Variants in CENPN observed in about 807,000 individuals in gnomAD.
CENPN encodes the protein interphase centromere complex protein 32.
In CENPN, 36 loss-of-function variants were observed where a neutral mutation model predicts 48.6. The ratio of observed to expected loss-of-function variants is 0.74; its 90% CI spans 0.57 to 0.98. CENPN has a LOEUF of 0.98. Among genes scored for constraint, CENPN ranks in the 50% least tolerant of loss-of-function variants. The pLI is 0.00. For synonymous variants in CENPN, 166 were observed against 135.2 expected (o/e 1.23, Z -1.58); for missense variants, 439 against 399.2 (o/e 1.10, Z -0.85).
rs752650173 is a variant in CENPN, at chr16:81,027,017, G to A, written c.810+379G>A. ...TCATCGTGTTGGCCAGACTGGTCTC[G>A]AACGGCTGGCCTCAGGTGATCCACC... On this transcript the variant is annotated intron_variant, in intron 9 of 10. Transcript: ENST00000305850. Among the ~76,000 whole-genome samples the A allele has an allele frequency of 5.3e-5, 8 of 151,906 alleles. No individual in the cohort carries two copies. The East Asian group carries it at 5.8e-4, about 11-fold the overall frequency.
intron 9 of CENPN, among the ~76,000 whole-genome samples, chr16:81,027,007 G>C (rs1414097033): frequency 1.3e-5 from 2 of 151,874 alleles, no homozygotes; most frequent in Non-Finnish European, 2.9e-5. Context: ...GTGTTGGCCA[G>C]ACTGGTCTCG....
intron 7 of CENPN, chr16:81,023,553 T>A (rs1970313777): frequency 6.6e-6 from 1 of 152,088 alleles, no homozygotes; most frequent in Non-Finnish European, 1.5e-5. Flanking sequence ...TAATATATAT[T>A]TTTTAAACTT....
At chr16:81,009,957 A>G (rs9932857) in intron 1 of CENPN, among the ~76,000 whole-genome samples, 35,058 of 152,168 alleles carry the variant, frequency 0.23, 4,294 homozygotes, top group East Asian at 0.42. Flanking sequence ...CCAGCACTTC[A>G]GGAGGCCGAG....
intron 1 of CENPN, among the ~76,000 whole-genome samples, chr16:81,011,056 A>T (rs1969721958): frequency 6.6e-6 from 1 of 152,160 alleles, no homozygotes; most frequent in Non-Finnish European, 1.5e-5. Context: ...GCCCTCCATG[A>T]TGACTGACCT....
At position 81,017,398 on chromosome 16, in the gene CENPN, G is replaced by A. The variant is rs200572330; in HGVS notation, c.277+13G>A. On this transcript the variant is annotated intron_variant, in intron 4 of 10. Transcript: ENST00000305850. ...AGTAAAGGACCAGGTAATATTTTCT[G>A]TTTACAATTGAATATTTGATAGTTT... 4.8e-5 allele frequency: 74 copies of A among 1,529,846 alleles called. No homozygotes were observed. In the African/African-American group the frequency reaches 7.1e-4, roughly 15 times the overall value. 94.8% of individuals were successfully genotyped at this position (1,529,846 alleles called of 1,614,324 possible). A position where few individuals can be genotyped will look rare whatever the true frequency, so the allele number is the denominator to read the frequency against.
chr16:81,024,419 G>A (rs1970365697), intron 7 of CENPN: 1 of 194,062 alleles, frequency 5.2e-6, no homozygotes, highest in Non-Finnish European at 1.0e-5. Context: ...ATTGAGCACT[G>A]ACGACGCTGA....
intron 2 of CENPN, 60 bp from the exon 3 acceptor site, chr16:81,014,076 T>C (rs970438256): frequency 1.5e-5 from 21 of 1,418,902 alleles, no homozygotes; most frequent in Non-Finnish European, 2.1e-5. Flanking sequence ...AAATGTGTTT[T>C]AAACGGGATA....
intron 8 of CENPN, among the ~76,000 whole-genome samples, chr16:81,025,918 G>C (rs929710325): frequency 1.1e-4 from 17 of 151,140 alleles, no homozygotes; most frequent in Non-Finnish European, 2.4e-4. Flanking sequence ...GGCCAGGCTG[G>C]TCTGGAACTT....
At chr16:81,008,316 T>A (rs1438984073) in intron 1 of CENPN, among the ~76,000 whole-genome samples, 1 of 152,152 alleles carries the variant, frequency 6.6e-6, no homozygotes, top group African/African-American at 2.4e-5. Context: ...CAGTTTAATT[T>A]GATAGGGCCC....
chr16:81,029,698 C>T lies in CENPN; in HGVS notation c.*1047C>T, dbSNP rs1970680133. Among the ~76,000 whole-genome samples the T allele has an allele frequency of 6.6e-6, 1 of 152,148 alleles. No homozygotes were observed. Among genetic ancestry groups the T allele is most frequent in the South Asian group, 2.1e-4 (1 of 4,826 alleles). On this transcript the variant is annotated 3_prime_UTR_variant, in exon 11 of 11. Transcript: ENST00000305850. ...TGAAGAGATTCTCCTGCCTCAGCCT[C>T]TGAGTAGCTGGGACTACAGGCCTGC...
chr16:81,016,388 T>G (rs1969933622), intron 3 of CENPN, among the ~76,000 whole-genome samples: 1 of 152,206 alleles, frequency 6.6e-6, no homozygotes, highest in Non-Finnish European at 1.5e-5. Flanking sequence ...AGTTTAGACC[T>G]GGGACTACAA....
Position 81,028,682 on chromosome 16 carries a change from C to T in CENPN, c.*31C>T. ...GCGTGGTTTCTTAAGCACAGCTCCT[C>T]CTTCTTGATATTGCACATGCACTTC... is the stretch of plus-strand genomic sequence containing the variant. On this transcript the variant is annotated 3_prime_UTR_variant, in exon 11 of 11. Coordinates refer to ENST00000305850, the MANE Select transcript of CENPN (RefSeq NM_001100624.3). The T allele has an allele frequency of 6.3e-7, 1 of 1,597,212 alleles. No homozygotes were observed. Among genetic ancestry groups the T allele is most frequent in the Non-Finnish European group, 8.5e-7 (1 of 1,175,622 alleles).
chr16:81,021,722 C>A (rs1320950124), intron 6 of CENPN, among the ~76,000 whole-genome samples: 1 of 151,818 alleles, frequency 6.6e-6, no homozygotes, highest in Non-Finnish European at 1.5e-5. Context: ...TACACCTTGC[C>A]ACAGGTAGTT....
chr16:81,019,815 G>A (rs916583661), intron 5 of CENPN, among the ~76,000 whole-genome samples: 21 of 151,008 alleles, frequency 1.4e-4, no homozygotes, highest in Admixed American at 4.0e-4. Flanking sequence ...TGAGGCTGCC[G>A]TGAGCAGGCT....
Position 81,022,889 on chromosome 16 carries a change from T to A in CENPN, c.633+191T>A, listed in dbSNP as rs775573333. On this transcript the variant is annotated intron_variant, in intron 7 of 10. Coordinates refer to ENST00000305850, the MANE Select transcript of CENPN (RefSeq NM_001100624.3). ...CCTCACAGTCATCTTTTTATAATTG[T>A]ATTGTGTTTTATACCACTCATTAGT... 1.9e-6 allele frequency: 3 copies of A among 1,605,816 alleles called. No homozygotes were observed. In the African/African-American group the frequency reaches 4.0e-5, roughly 22 times the overall value.
intron 1 of CENPN, among the ~76,000 whole-genome samples, chr16:81,007,778 T>C (rs573189446): frequency 6.6e-6 from 1 of 152,288 alleles, no homozygotes; most frequent in Admixed American, 6.5e-5. Flanking sequence ...ATCTACTGTA[T>C]GTCAGACACT....
chr16:81,028,393 C>CCCTAGTCTGCTAG (rs2151716469), intron 10 of CENPN, 96 bp downstream of exon 10: 1 of 1,510,402 alleles, frequency 6.6e-7, no homozygotes, highest in East Asian at 2.3e-5. Flanking sequence ...TCACCCATCA[C>CCCTAGTCTGCTAG]CCTAGTCTGC....
At position 81,022,794 on chromosome 16, in the gene CENPN, G is replaced by A. The variant is rs752601461; in HGVS notation, c.633+96G>A. 3 of 1,613,944 alleles carry A rather than the reference G, an allele frequency of 1.9e-6. No homozygotes were observed. The South Asian group carries it at 3.3e-5, about 18-fold the overall frequency. On this transcript the variant is annotated intron_variant, in intron 7 of 10. Coordinates refer to ENST00000305850, the MANE Select transcript of CENPN (RefSeq NM_001100624.3). Reference sequence around the variant, plus strand: ...TGGGAAAATCTACCTCCGACAAGAGGAGATCATTTTAGATATTACCGAAAT... The same window carrying A: ...TGGGAAAATCTACCTCCGACAAGAGAAGATCATTTTAGATATTACCGAAAT...
chr16:81,014,661 A>G (rs1969867768), intron 3 of CENPN, among the ~76,000 whole-genome samples: 1 of 152,182 alleles, frequency 6.6e-6, no homozygotes, highest in South Asian at 2.1e-4. Flanking sequence ...CAGAGATAAT[A>G]GTACATTATC....
Sources: gnomAD v4.1 joint callset for allele counts (sites outside exome capture counted in the v4.1 genomes callset) on GRCh38, gnomAD v4.1.1 for gene constraint, MANE v1.5 for transcripts, NCBI Gene and HGNC (gene_info 2026-07-23, HGNC 2026-07-21) for gene names.